Variants in LOX observed in about 807,000 individuals in gnomAD.
LOX encodes protein-lysine 6-oxidase.
A neutral mutation model predicts 50.5 loss-of-function variants in LOX; 12 were observed. The observed-to-expected ratio is 0.24, with a 90% CI of 0.15 to 0.38. The LOEUF (loss-of-function observed/expected upper bound fraction) is 0.38, where lower values mean the gene tolerates loss of function less well. Among genes scored for constraint, LOX ranks in the 10% least tolerant of loss-of-function variants. The pLI is 1.00. For missense variants in LOX, 504 were observed against 563.8 expected, an observed-to-expected ratio of 0.89 and a Z score of 1.07; for synonymous variants, 254 against 230.6, an observed-to-expected ratio of 1.10 and a Z score of -0.92.
In LOX at chr5:122,066,712, G is replaced by C; in HGVS notation, c.*31C>G. On this transcript the variant is annotated 3_prime_UTR_variant, in exon 7 of 7. Coordinates refer to ENST00000231004, the MANE Select transcript of LOX (RefSeq NM_002317.7). ...TTCCCACTTCAGAACACCAGGCACTGATTTATCCATTGGGAGTTTTGCTTT... is the reference window on the plus strand; with the variant it reads ...TTCCCACTTCAGAACACCAGGCACTCATTTATCCATTGGGAGTTTTGCTTT... 6.3e-7 allele frequency: 1 copy of C among 1,591,016 alleles called. No homozygotes were observed. The highest frequency in any genetic ancestry group is 1.1e-5 in the South Asian group (1 of 90,388).
rs773286714 is a variant in LOX at position 122,075,415 on chromosome 5, G to A, written c.867C>T (p.His289=). Residue 289 remains histidine (H), a synonymous_variant, in exon 3 of 7, where the codon CAC becomes CAT. Coordinates refer to ENST00000231004, the MANE Select transcript of LOX (RefSeq NM_002317.7). The stretch of plus-strand genomic sequence containing the variant: ...GCCCATTTACTTACTGATGACAACT[G>A]TGCCATTCCCAGGAATATCTTGGTC... ...PSRPRYSWEW[H]SCHQHYHSMD... is the part of the protein sequence containing the mutation. 3.7e-6 allele frequency: 6 copies of A among 1,612,526 alleles called. No individual in the cohort carries two copies. In the South Asian group the frequency reaches 6.6e-5, roughly 18 times the overall value.
chr5:122,069,996 G>T, intron 6 of LOX, 57 bp downstream of exon 6: 2 of 1,222,416 alleles, frequency 1.6e-6, no homozygotes, highest in Non-Finnish European at 2.4e-6. Context: ...TATAATGTTT[G>T]GCATGAACAA....
rs773225810 is a variant in LOX, at chr5:122,077,328, G to A, written c.631+27C>T. 6.2e-7 allele frequency: 1 copy of A among 1,613,268 alleles called. No individual in the cohort carries two copies. Among genetic ancestry groups the A allele is most frequent in the Non-Finnish European group, 8.5e-7 (1 of 1,179,866 alleles). ...ATAGCTGGGGACCAGGTGCACGGGT[G>A]CTTCCAGCGGACTTGGGGGTACTTA... On this transcript the variant is annotated intron_variant, in intron 1 of 6. Transcript: ENST00000231004. This position sits in a 1 kb window ranked among gnomAD's most constrained non-coding sequence, Gnocchi z 4.9.
intron 4 of LOX, 41 bp downstream of exon 4, chr5:122,073,968 TTCTC>T (rs1376245232): frequency 8.9e-6 from 14 of 1,581,338 alleles, no homozygotes; most frequent in African/African-American, 1.3e-5. Context: ...GATGACCCGT[TTCTC>T]TCTGAGGCTT....
chr5:122,071,566 CT>C (rs1222278479), intron 4 of LOX, among the ~76,000 whole-genome samples: 4 of 152,122 alleles, frequency 2.6e-5, no homozygotes, highest in Non-Finnish European at 5.9e-5. Context: ...AAATACAATC[CT>C]TGCTTTTAAG....
chr5:122,074,329 T>TC (rs1308762756), intron 3 of LOX, among the ~76,000 whole-genome samples, 160 bp from the exon 4 acceptor site: 1 of 152,186 alleles, frequency 6.6e-6, no homozygotes, highest in Non-Finnish European at 1.5e-5. Context: ...GGTTTTTTTT[T>TC]CCCCAGGACA....
rs1287746163 is a variant in LOX at position 122,076,781 on chromosome 5, T to C, written c.740+112A>G. On this transcript the variant is annotated intron_variant, in intron 2 of 6. Transcript: ENST00000231004. Reference sequence around the variant, plus strand: ...AGGTCACGTCCCACTTCCCAGCTCTTGTCCCACTTCCTAACACTTGTCTGC... The same window carrying C: ...AGGTCACGTCCCACTTCCCAGCTCTCGTCCCACTTCCTAACACTTGTCTGC... 5.8e-6 allele frequency: 5 copies of C among 858,042 alleles called. No homozygotes were observed. In the African/African-American group the frequency reaches 8.2e-5, roughly 14 times the overall value. The allele number at this position is 858,042 out of a possible 1,614,324, so 53.2% of individuals were successfully genotyped here.
chr5:122,067,569 C>T (rs1178231705), intron 6 of LOX, among the ~76,000 whole-genome samples: 1 of 152,092 alleles, frequency 6.6e-6, no homozygotes, highest in African/African-American at 2.4e-5. Context: ...GACCTGATGG[C>T]CTTAGGCAAG....
chr5:122,074,594 C>T (rs1018865609), intron 3 of LOX, among the ~76,000 whole-genome samples: 1 of 152,158 alleles, frequency 6.6e-6, no homozygotes, highest in Non-Finnish European at 1.5e-5. Flanking sequence ...ATTGAGTTCT[C>T]ACATATTTAA....
At chr5:122,075,783 T>C (rs1387006726) in intron 2 of LOX, among the ~76,000 whole-genome samples, 1 of 152,134 alleles carries the variant, frequency 6.6e-6, no homozygotes, top group Non-Finnish European at 1.5e-5. Flanking sequence ...ATAACACCTA[T>C]GGAAATCCAC....
chr5:122,075,299 A>G, intron 3 of LOX, 105 bp downstream of exon 3: 1 of 1,020,320 alleles, frequency 9.8e-7, no homozygotes, highest in Non-Finnish European at 1.4e-6. Flanking sequence ...AAGTAATAGC[A>G]ATTTTCTCCC....
chr5:122,078,045 G>T lies in LOX; in HGVS notation c.-60C>A. The T allele has an allele frequency of 7.1e-7, 1 of 1,405,032 alleles. No individual in the cohort carries two copies. Among genetic ancestry groups the T allele is most frequent in the South Asian group, 1.7e-5 (1 of 57,454 alleles). 87.0% of individuals were successfully genotyped at this position (1,405,032 alleles called of 1,614,324 possible). A position where few individuals can be genotyped will look rare whatever the true frequency, so the allele number is the denominator to read the frequency against. On this transcript the variant is annotated 5_prime_UTR_variant, in exon 1 of 7. Coordinates refer to ENST00000231004, the MANE Select transcript of LOX (RefSeq NM_002317.7). The stretch of plus-strand genomic sequence containing the variant: ...GACGTGGCTCACAGAAAATAAAAAC[G>T]GGGCTCAAATCACGTGAGGGAAGGA...
rs1327353114 is a variant in LOX at position 122,077,237 on chromosome 5, G to A, written c.631+118C>T. On this transcript the variant is annotated intron_variant, in intron 1 of 6. Coordinates refer to ENST00000231004, the MANE Select transcript of LOX (RefSeq NM_002317.7). The surrounding 1 kb of genome is among the most constrained non-coding windows in gnomAD (Gnocchi z 4.9). The stretch of plus-strand genomic sequence containing the variant: ...TCCAGGGCTGCCACTGCAGGCGCGT[G>A]GGGGAGGGATCGGATCTGCGAGGAC... 3 of 1,514,904 alleles carry A rather than the reference G, an allele frequency of 2.0e-6. No homozygotes were observed. The highest frequency in any genetic ancestry group is 4.8e-5 in the East Asian group (2 of 41,554). 93.8% of individuals were successfully genotyped at this position (1,514,904 alleles called of 1,614,324 possible). A position where few individuals can be genotyped will look rare whatever the true frequency, so the allele number is the denominator to read the frequency against.
At position 122,070,099 on chromosome 5, in the gene LOX, G is replaced by A. The variant is rs750792682; in HGVS notation, c.1201C>T (p.Arg401Cys). The A allele has an allele frequency of 1.2e-6, 2 of 1,613,254 alleles. No individual in the cohort carries two copies. The change falls in exon 6 of 7, where the codon CGC becomes TGC. Residue 401 changes from arginine (R) to cysteine (C), a missense_variant. Around this residue, in one of 2 missense-constraint regions of LOX, gnomAD observed 106 missense variants for 198.1 expected, o/e 0.54. Transcript: ENST00000231004. ...GCATACGCATGATGTCCTGTGTAGC[G>A]AATGTCACAGCGCACAACATTGTTG... Reference protein sequence around the residue: ...YTNNVVRCDIRYTGHHAYASG... With the variant: ...YTNNVVRCDICYTGHHAYASG...
At position 122,065,646 on chromosome 5, in the gene LOX, C is replaced by G. The variant is rs905171451; in HGVS notation, c.*1097G>C. ...ATGTGTGACTGATTCCTGAATAACC[C>G]AGGATGATGTTCCTGTGTTCTAGAT... On this transcript the variant is annotated 3_prime_UTR_variant, in exon 7 of 7. Coordinates refer to ENST00000231004, the MANE Select transcript of LOX (RefSeq NM_002317.7). 6.6e-6 allele frequency: 1 copy of G among 152,024 alleles called. No homozygotes were observed. Among genetic ancestry groups the G allele is most frequent in the Non-Finnish European group, 1.5e-5 (1 of 67,986 alleles). The allele number at this position is 152,024 out of a possible 1,614,324, so 9.4% of individuals were successfully genotyped here.
chr5:122,076,974 T>G lies in LOX; in HGVS notation c.659A>C (p.Tyr220Ser), dbSNP rs939193306. 1.2e-6 allele frequency: 2 copies of G among 1,613,622 alleles called. No homozygotes were observed. Among genetic ancestry groups the G allele is most frequent in the Non-Finnish European group, 1.7e-6 (2 of 1,179,934 alleles). ...CACGTACGTGGACGCCTGGATGTAG[T>G]AGGGGTCGGCCACCAGGTCTGGGAG... The part of the protein sequence containing the change: ...YGLPDLVADP[Y>S]YIQASTYVQK... Residue 220 changes from tyrosine (Y) to serine (S), a missense_variant, in exon 2 of 7, where the codon TAC becomes TCC. This residue lies in a region of LOX where 398 missense variants were observed against 365.8 expected (regional missense o/e 1.09). Transcript: ENST00000231004.
At position 122,066,759 on chromosome 5, in the gene LOX, G is replaced by A; in HGVS notation, c.1248-10C>T. ...CTTTGCCTTCTAATACCTAGATTAA[G>A]AAGACAAAATAAGACAAATTATTAA... is the stretch of plus-strand genomic sequence containing the variant. On this transcript the variant is annotated splice_polypyrimidine_tract_variant and intron_variant, in intron 6 of 6. Coordinates refer to ENST00000231004, the MANE Select transcript of LOX (RefSeq NM_002317.7). 6.4e-7 allele frequency: 1 copy of A among 1,572,558 alleles called. No homozygotes were observed. The highest frequency in any genetic ancestry group is 8.7e-7 in the Non-Finnish European group (1 of 1,143,078).
intron 4 of LOX, among the ~76,000 whole-genome samples, chr5:122,072,960 G>A (rs1245212417): frequency 1.3e-5 from 2 of 152,198 alleles, no homozygotes; most frequent in African/African-American, 4.8e-5. Context: ...CATGAATAAT[G>A]TGTGGGTAAG....
rs1754660170 is a variant in LOX, at chr5:122,077,078, C to T, written c.632-77G>A. ...GCTCCAACTCCCTACCCCTCTAGGT[C>T]CCTTACTCCTCACCCTTCGCCCACC... On this transcript the variant is annotated intron_variant, in intron 1 of 6. Transcript: ENST00000231004. The surrounding 1 kb of genome is among the most constrained non-coding windows in gnomAD (Gnocchi z 4.9). 6.4e-7 allele frequency: 1 copy of T among 1,572,970 alleles called. No individual in the cohort carries two copies. The highest frequency in any genetic ancestry group is 8.6e-7 in the Non-Finnish European group (1 of 1,163,644).
Sources: allele counts gnomAD v4.1 joint callset (sites outside exome capture counted in the v4.1 genomes callset), GRCh38; gene constraint gnomAD v4.1.1; regional missense constraint gnomAD v4.1.1; non-coding constraint Gnocchi (gnomAD v3.1); transcripts MANE v1.5; gene names NCBI Gene and HGNC (gene_info 2026-07-23, HGNC 2026-07-21).